Variants in CHRNA7 observed in about 807,000 individuals in gnomAD.
The protein encoded by CHRNA7 is neuronal acetylcholine receptor subunit alpha-7.
Under a neutral mutation model 48.0 loss-of-function variants are expected in CHRNA7, and 17 were observed. The ratio of observed to expected loss-of-function variants is 0.35; its 90% CI spans 0.24 to 0.53. CHRNA7 has a LOEUF of 0.53. Ranked by LOEUF, CHRNA7 falls within the 20% of genes least tolerant of loss-of-function variation. CHRNA7 has a pLI of 0.92. For synonymous variants in CHRNA7, 75 were observed against 242.3 expected (o/e 0.31, Z 6.41); for missense variants, 155 against 577.7 (o/e 0.27, Z 7.50).
chr15:32,152,587 G>T (rs1388595992), intron 4 of CHRNA7, among the ~76,000 whole-genome samples: 2 of 152,196 alleles, frequency 1.3e-5, no homozygotes, highest in Admixed American at 1.3e-4. Context: ...GGGCACGCAG[G>T]CTTAGGTTTA....
At chr15:32,108,981 C>T (rs1255541396) in intron 3 of CHRNA7, among the ~76,000 whole-genome samples, 2 of 152,136 alleles carry the variant, frequency 1.3e-5, no homozygotes, top group Admixed American at 1.3e-4. Flanking sequence ...CTCCCCCTAC[C>T]TTTTCTGCCA....
chr15:32,124,060 G>A (rs2051022961), intron 4 of CHRNA7, among the ~76,000 whole-genome samples: 1 of 150,868 alleles, frequency 6.6e-6, no homozygotes, highest in Admixed American at 6.6e-5. Flanking sequence ...AATTCAAATG[G>A]ATTTAAATCC....
intron 4 of CHRNA7, among the ~76,000 whole-genome samples, chr15:32,112,552 A>G (rs796168273): frequency 1.3e-5 from 2 of 152,248 alleles, no homozygotes; most frequent in Non-Finnish European, 2.9e-5. Context: ...TAGAAGCAGT[A>G]AAATTTCTCG....
chr15:32,095,708 A>G (rs2050457808), intron 2 of CHRNA7, among the ~76,000 whole-genome samples: 1 of 152,204 alleles, frequency 6.6e-6, no homozygotes, highest in Non-Finnish European at 1.5e-5. Context: ...ACCATTATGA[A>G]AAAAAGATTT....
intron 2 of CHRNA7, among the ~76,000 whole-genome samples, chr15:32,083,053 A>G (rs1369520889): frequency 6.6e-6 from 1 of 152,140 alleles, no homozygotes; most frequent in Non-Finnish European, 1.5e-5. Context: ...TGATAACCTG[A>G]CTTTCTATAA....
chr15:32,048,466 T>C lies in CHRNA7; in HGVS notation c.195+17429T>C, dbSNP rs193036557. 1.1e-3 allele frequency among the ~76,000 whole-genome samples: 160 copies of C among 152,362 alleles called. 1 individual carries two copies. Among genetic ancestry groups the C allele is most frequent in the Admixed American group, 1.9e-3 (29 of 15,306 alleles). ...TCTAGTTTATTTGCGTGGAGATGTT[T>C]GTAGTATTCTCTGATGATAGTTTGT... On this transcript the variant is annotated intron_variant, in intron 2 of 9. Coordinates refer to ENST00000306901, the MANE Select transcript of CHRNA7 (RefSeq NM_000746.6).
At chr15:32,030,876 G>T in intron 1 of CHRNA7, 22 bp from the exon 2 acceptor site, 1 of 1,611,908 alleles carries the variant, frequency 6.2e-7, no homozygotes, top group Non-Finnish European at 8.5e-7. Context: ...TGAGCCCCCT[G>T]CCCGGGTCTT....
rs149335439 is a variant in CHRNA7 at position 32,073,857 on chromosome 15, T to C, written c.196-27446T>C. On this transcript the variant is annotated intron_variant, in intron 2 of 9. Coordinates refer to ENST00000306901, the MANE Select transcript of CHRNA7 (RefSeq NM_000746.6). ...GAAGCAGATGCTGGCACCATGCTTC[T>C]TGGGCAACCTGCAGAACCAGAAACC... Among the ~76,000 whole-genome samples, 301 of 152,288 alleles carry C rather than the reference T, an allele frequency of 2.0e-3. 1 individual carries two copies. Among genetic ancestry groups the C allele is most frequent in the African/African-American group, 6.7e-3 (277 of 41,558 alleles).
intron 4 of CHRNA7, among the ~76,000 whole-genome samples, chr15:32,125,015 G>T (rs2051040483): frequency 6.6e-6 from 1 of 152,196 alleles, no homozygotes; most frequent in African/African-American, 2.4e-5. Flanking sequence ...TAAGACAACA[G>T]CTATCACTGC....
At chr15:32,138,352 T>C (rs1412553873) in intron 4 of CHRNA7, among the ~76,000 whole-genome samples, 1 of 152,100 alleles carries the variant, frequency 6.6e-6, no homozygotes, top group Non-Finnish European at 1.5e-5. Context: ...AAAAAGGGAA[T>C]AGACTAGCAA....
At chr15:32,137,213 C>T (rs1001108628) in intron 4 of CHRNA7, among the ~76,000 whole-genome samples, 5 of 151,768 alleles carry the variant, frequency 3.3e-5, no homozygotes, top group African/African-American at 9.7e-5. Flanking sequence ...TATCTCTATG[C>T]ATTTAAATCG....
At chr15:32,117,413 G>C (rs1377147821) in intron 4 of CHRNA7, among the ~76,000 whole-genome samples, 1 of 152,158 alleles carries the variant, frequency 6.6e-6, no homozygotes, top group Admixed American at 6.5e-5. Flanking sequence ...CAGCTGTCAG[G>C]GCCTTGGGCA....
chr15:32,051,972 T>G (rs995353676), intron 2 of CHRNA7, among the ~76,000 whole-genome samples: 1 of 152,200 alleles, frequency 6.6e-6, no homozygotes, highest in Admixed American at 6.5e-5. Flanking sequence ...CCACTGCACC[T>G]GGCCCTCTCT....
chr15:32,030,805 C>T (rs1595364313), intron 1 of CHRNA7, 93 bp from the exon 2 acceptor site: 8 of 1,527,130 alleles, frequency 5.2e-6, no homozygotes, highest in Non-Finnish European at 6.1e-6. Context: ...CTGGGCTGCA[C>T]CGGGTGGGCG....
chr15:32,055,754 C>T (rs1386822307), intron 2 of CHRNA7, among the ~76,000 whole-genome samples: 3 of 152,008 alleles, frequency 2.0e-5, no homozygotes, highest in African/African-American at 7.2e-5. Context: ...CCGAGGCGGG[C>T]GGATCACGAG....
chr15:32,032,331 A>G (rs963798149), intron 2 of CHRNA7, among the ~76,000 whole-genome samples: 6 of 152,138 alleles, frequency 3.9e-5, no homozygotes, highest in Non-Finnish European at 8.8e-5. Flanking sequence ...CAGTTGCTTT[A>G]AAGAGCTCAG....
chr15:32,041,308 C>T (rs1042777530), intron 2 of CHRNA7, among the ~76,000 whole-genome samples: 1 of 152,206 alleles, frequency 6.6e-6, no homozygotes, highest in South Asian at 2.1e-4. Flanking sequence ...TTGTGGAAGA[C>T]AATTTTTCCA....
intron 4 of CHRNA7, among the ~76,000 whole-genome samples, chr15:32,144,949 T>G (rs939193741): frequency 3.9e-5 from 6 of 152,204 alleles, no homozygotes; most frequent in Non-Finnish European, 7.3e-5. Context: ...CCATCCAGTT[T>G]TGTTCCATTG....
intron 4 of CHRNA7, among the ~76,000 whole-genome samples, chr15:32,148,636 A>G (rs756396483): frequency 2.6e-5 from 4 of 152,192 alleles, no homozygotes; most frequent in Non-Finnish European, 5.9e-5. Context: ...CCCCCTGCCT[A>G]TACTGCCATT....
Sources: allele counts gnomAD v4.1 joint callset (sites outside exome capture counted in the v4.1 genomes callset), GRCh38; gene constraint gnomAD v4.1.1; transcripts MANE v1.5; gene names NCBI Gene and HGNC (gene_info 2026-07-23, HGNC 2026-07-21).